The following SPEF2 variants were observed in gnomAD, a reference collection of about 807,000 sequenced individuals.
SPEF2 encodes sperm flagella and cilia-associated protein 2.
SPEF2 carries 187 observed loss-of-function variants against 224.6 expected under a neutral mutation model. That is an observed-to-expected ratio of 0.83 (90% CI 0.74 to 0.94). The LOEUF (loss-of-function observed/expected upper bound fraction) is 0.94, where lower values mean the gene tolerates loss of function less well. Ranked by LOEUF, SPEF2 falls within the 40% of genes least tolerant of loss-of-function variation. The probability of loss-of-function intolerance (pLI) is 0.00; values close to 1 mark genes in which losing one functional copy is unlikely to be tolerated. For synonymous variants in SPEF2, 715 were observed against 707.3 expected (o/e 1.01, Z -0.17); for missense variants, 2,170 against 2,135.6 (o/e 1.02, Z -0.32).
intron 20 of SPEF2, among the ~76,000 whole-genome samples, chr5:35,720,618 C>T (rs940397916): frequency 2.0e-5 from 3 of 152,226 alleles, no homozygotes; most frequent in South Asian, 2.1e-4. Context: ...GTTTTCTCCA[C>T]GGTTTTCAAT....
At chr5:35,814,004 A>T (rs147143574) in intron 36 of SPEF2, among the ~76,000 whole-genome samples, 2,053 of 152,250 alleles carry the variant, frequency 0.013, 51 homozygotes, top group African/African-American at 0.047. Context: ...TGATGTTTTT[A>T]CAATGAAAGA....
intron 13 of SPEF2, among the ~76,000 whole-genome samples, chr5:35,695,017 C>T (rs1755088309): frequency 6.6e-6 from 1 of 152,106 alleles, no homozygotes; most frequent in African/African-American, 2.4e-5. Context: ...AGCATGAAGC[C>T]GAGCTCCTCC....
intron 7 of SPEF2, among the ~76,000 whole-genome samples, chr5:35,655,502 A>G (rs1748843778): frequency 1.3e-5 from 2 of 152,184 alleles, no homozygotes; most frequent in African/African-American, 4.8e-5. Flanking sequence ...GTGAAGGTGA[A>G]AGAGGGATTA....
intron 10 of SPEF2, among the ~76,000 whole-genome samples, chr5:35,676,562 C>T (rs1300254082): frequency 2.6e-5 from 4 of 152,060 alleles, no homozygotes; most frequent in Non-Finnish European, 4.4e-5. Flanking sequence ...AACCCCGTCT[C>T]TCCTAAAAAT....
At chr5:35,666,237 A>C (rs755688339) in intron 8 of SPEF2, among the ~76,000 whole-genome samples, 1 of 152,192 alleles carries the variant, frequency 6.6e-6, no homozygotes, top group Non-Finnish European at 1.5e-5. Context: ...TTCCTAGAGC[A>C]GGCTAGCACG....
chr5:35,810,420 C>T (rs1448592121), intron 36 of SPEF2, among the ~76,000 whole-genome samples: 1 of 152,072 alleles, frequency 6.6e-6, no homozygotes, highest in African/African-American at 2.4e-5. Flanking sequence ...ACTATGTTGG[C>T]CAGGCTGGTC....
At chr5:35,795,927 C>T in intron 33 of SPEF2, 132 bp downstream of exon 33, 1 of 784,368 alleles carries the variant, frequency 1.3e-6, no homozygotes, top group Admixed American at 2.4e-5. Flanking sequence ...CTCCAAAGTG[C>T]AGACCTTAAG....
intron 17 of SPEF2, 109 bp from the exon 18 acceptor site, chr5:35,705,542 T>C: frequency 1.4e-6 from 1 of 726,656 alleles, no homozygotes; most frequent in Non-Finnish European, 2.2e-6. Flanking sequence ...TCAGATACAA[T>C]TATATTGGCA....
Position 35,644,495 on chromosome 5 carries a change from G to A in SPEF2, c.555G>A (p.Lys185=). 1.2e-6 allele frequency: 2 copies of A among 1,603,074 alleles called. No individual in the cohort carries two copies. Among genetic ancestry groups the A allele is most frequent in the Non-Finnish European group, 1.7e-6 (2 of 1,177,000 alleles). The change falls in exon 4 of 37, where the codon AAG becomes AAA. Residue 185 remains lysine, a synonymous_variant. Transcript: ENST00000356031. ...FEKLERFQKL[K]EEQRCFDIEK... The stretch of plus-strand genomic sequence containing the variant: ...AACTTGAAAGATTTCAAAAACTCAA[G>A]GAAGAGCAAAGATGTTTTGATATTG...
chr5:35,808,788 A>G (rs1314899825), intron 36 of SPEF2, among the ~76,000 whole-genome samples: 1 of 148,130 alleles, frequency 6.8e-6, no homozygotes, highest in Non-Finnish European at 1.5e-5. Context: ...ATATATGTAT[A>G]TATGTATATA....
At chr5:35,786,406 T>C (rs1755128343) in intron 30 of SPEF2, among the ~76,000 whole-genome samples, 1 of 152,204 alleles carries the variant, frequency 6.6e-6, no homozygotes, top group Admixed American at 6.5e-5. Flanking sequence ...ACGCCAGTAA[T>C]CCCAGCACTT....
At chr5:35,774,227 A>G (rs549775779) in intron 28 of SPEF2, among the ~76,000 whole-genome samples, 3 of 152,324 alleles carry the variant, frequency 2.0e-5, no homozygotes, top group South Asian at 2.1e-4. Context: ...ATGTTTTGGC[A>G]TCACCTAATC....
At chr5:35,766,263 T>A (rs1027393327) in intron 26 of SPEF2, among the ~76,000 whole-genome samples, 4 of 152,008 alleles carry the variant, frequency 2.6e-5, no homozygotes, top group Admixed American at 2.6e-4. Context: ...AGAACTAAAG[T>A]TTTATAGGAA....
chr5:35,792,400 G>A lies in SPEF2; in HGVS notation c.4508G>A (p.Gly1503Asp). The change falls in exon 31 of 37, where the codon GGC (glycine) becomes GAC (aspartate). Residue 1503 changes from glycine (G) to aspartate (D), a missense_variant. Transcript: ENST00000356031. ...ILIDLVTLNL[G>D]TNNFPSNWMH... ...ATCGATTTGGTGACCCTGAACCTTG[G>A]CACAAACAACTTTCCTAGTAATTGG... The A allele has an allele frequency of 1.9e-6, 3 of 1,613,730 alleles. No homozygotes were observed. The highest frequency in any genetic ancestry group is 2.5e-6 in the Non-Finnish European group (3 of 1,179,780).
chr5:35,768,118 A>G (rs1392887594), intron 26 of SPEF2, among the ~76,000 whole-genome samples: 1 of 152,036 alleles, frequency 6.6e-6, no homozygotes, highest in East Asian at 1.9e-4. Flanking sequence ...AACTTTTTGT[A>G]TACCTTGGAC....
chr5:35,695,702 G>C, intron 13 of SPEF2, 33 bp from the exon 14 acceptor site: 1 of 1,581,722 alleles, frequency 6.3e-7, no homozygotes. Context: ...GTAAATACCA[G>C]AAATTTGTTC....
chr5:35,776,636 A>G (rs781625812), intron 29 of SPEF2, among the ~76,000 whole-genome samples: 1 of 152,186 alleles, frequency 6.6e-6, no homozygotes, highest in Non-Finnish European at 1.5e-5. Flanking sequence ...CACAATATTT[A>G]TGAGTTTAGC....
chr5:35,790,049 C>T (rs987676758), intron 30 of SPEF2: 10 of 702,362 alleles, frequency 1.4e-5, no homozygotes, highest in Non-Finnish European at 2.6e-5. Context: ...GAAAATTGAC[C>T]TGGGATTTTG....
chr5:35,783,821 T>C (rs1754688569), intron 30 of SPEF2, among the ~76,000 whole-genome samples: 1 of 152,180 alleles, frequency 6.6e-6, no homozygotes, highest in African/African-American at 2.4e-5. Flanking sequence ...AGACAGCCTT[T>C]TTCTGATGGA....
Sources: gnomAD v4.1 joint callset for allele counts (sites outside exome capture counted in the v4.1 genomes callset) on GRCh38, gnomAD v4.1.1 for gene constraint, MANE v1.5 for transcripts, NCBI Gene and HGNC (gene_info 2026-07-23, HGNC 2026-07-21) for gene names.